The following POFUT2 variants were observed in gnomAD, a reference collection of about 807,000 sequenced individuals.
The protein encoded by POFUT2 is GDP-fucose protein O-fucosyltransferase 2.
A neutral mutation model predicts 55.0 loss-of-function variants in POFUT2; 30 were observed. That is an observed-to-expected ratio of 0.55 (90% confidence interval 0.41 to 0.74). The LOEUF is 0.74. Among genes scored for constraint, POFUT2 ranks in the 30% least tolerant of loss-of-function variants. The pLI, the probability that POFUT2 is intolerant of heterozygous loss-of-function variation, is 0.00. For synonymous variants in POFUT2, 267 were observed against 231.1 expected, an observed-to-expected ratio of 1.16 and a Z score of -1.41; for missense variants, 524 against 562.6, an observed-to-expected ratio of 0.93 and a Z score of 0.69.
Position 45,265,889 on chromosome 21 carries a change from G to A in POFUT2, c.1137-254C>T, listed in dbSNP as rs1201038807. 8 of 1,341,532 alleles carry A rather than the reference G, an allele frequency of 6.0e-6. No homozygotes were observed. The highest frequency in any genetic ancestry group is 3.2e-5 in the Admixed American group (1 of 31,458). 83.1% of individuals were successfully genotyped at this position (1,341,532 alleles called of 1,614,324 possible). ...CATCCACACCCCACAGTCAGCAGCC[G>A]CCACGCTCCTGTCCCACCGCATGTC... On this transcript the variant is annotated intron_variant, in intron 8 of 8. Coordinates refer to ENST00000349485, the MANE Select transcript of POFUT2 (RefSeq NM_133635.6). This position sits in a 1 kb window ranked among gnomAD's most constrained non-coding sequence, Gnocchi z 4.6.
In POFUT2 at chr21:45,267,121, A is replaced by G. The variant is rs2093162746; in HGVS notation, c.1136+469T>C. 5.0e-6 allele frequency: 6 copies of G among 1,201,930 alleles called. No individual in the cohort carries two copies. In the Admixed American group the frequency reaches 1.3e-4, roughly 25 times the overall value. The allele number at this position is 1,201,930 out of a possible 1,614,324, so 74.5% of individuals were successfully genotyped here. ...CACAAGAACGATCACACGAGGGCCC[A>G]TGCTCCCAGCCTTGGGGACGCTCAT... On this transcript the variant is annotated intron_variant, in intron 8 of 8. Coordinates refer to ENST00000349485, the MANE Select transcript of POFUT2 (RefSeq NM_133635.6). This position sits in a 1 kb window ranked among gnomAD's most constrained non-coding sequence, Gnocchi z 4.4.
At chr21:45,272,427 A>C (rs1268823639) in intron 6 of POFUT2, among the ~76,000 whole-genome samples, 1 of 152,208 alleles carries the variant, frequency 6.6e-6, no homozygotes, top group African/African-American at 2.4e-5. Flanking sequence ...CTAGACCTAA[A>C]AAATGAGATA....
In POFUT2 at chr21:45,265,938, C is replaced by T; in HGVS notation, c.1137-303G>A. The T allele has an allele frequency of 1.6e-6, 2 of 1,271,138 alleles. No individual in the cohort carries two copies. The highest frequency in any genetic ancestry group is 1.5e-5 in the South Asian group (1 of 65,140). 78.7% of individuals were successfully genotyped at this position (1,271,138 alleles called of 1,614,324 possible). On this transcript the variant is annotated intron_variant, in intron 8 of 8. Transcript: ENST00000349485. This position sits in a 1 kb window ranked among gnomAD's most constrained non-coding sequence, Gnocchi z 4.6. ...TCCCCCTGGGAGCCCTCCTCTCCGT[C>T]ACCAAATCCCAGGCCAGGCACGCCA...
rs745849039 is a variant in POFUT2, at chr21:45,277,906, G to C, written c.705+197C>G. 8.0e-6 allele frequency: 5 copies of C among 625,398 alleles called. No homozygotes were observed. Among genetic ancestry groups the C allele is most frequent in the Non-Finnish European group, 1.4e-5 (5 of 351,630 alleles). 38.7% of individuals were successfully genotyped at this position (625,398 alleles called of 1,614,324 possible). ...AGGGGAGAGCTGGGTGGCCCTGCGG[G>C]CTCCCGAGGACCTGGCTCTGCAGCC... On this transcript the variant is annotated intron_variant, in intron 5 of 8. Coordinates refer to ENST00000349485, the MANE Select transcript of POFUT2 (RefSeq NM_133635.6). This position sits in a 1 kb window ranked among gnomAD's most constrained non-coding sequence, Gnocchi z 6.9.
Position 45,287,854 on chromosome 21 carries a change from G to A in POFUT2, c.18C>T (p.Phe6=), listed in dbSNP as rs888986561. 3 of 1,413,138 alleles carry A rather than the reference G, an allele frequency of 2.1e-6. No individual in the cohort carries two copies. Among genetic ancestry groups the A allele is most frequent in the Non-Finnish European group, 2.8e-6 (3 of 1,074,930 alleles). The allele number at this position is 1,413,138 out of a possible 1,614,324, so 87.5% of individuals were successfully genotyped here. Residue 6 remains phenylalanine, a synonymous_variant, in exon 1 of 9, where the codon TTC becomes TTT. Transcript: ENST00000349485. MATLS[F]VFLLLGAVSW... ...ACACTGCCCCCAGCAGCAGGAAGAC[G>A]AAGCTGAGTGTCGCCATGGCCCCGG...
At chr21:45,266,982 G>A in intron 8 of POFUT2, 9 of 1,030,828 alleles carry the variant, frequency 8.7e-6, no homozygotes, top group Non-Finnish European at 1.0e-5. Flanking sequence ...AACCCCAGAG[G>A]AATGACTGCA....
At position 45,267,765 on chromosome 21, in the gene POFUT2, G is replaced by A; in HGVS notation, c.1013-52C>T. 1 of 1,512,966 alleles carries A rather than the reference G, an allele frequency of 6.6e-7. No homozygotes were observed. The highest frequency in any genetic ancestry group is 9.1e-7 in the Non-Finnish European group (1 of 1,093,974). The allele number at this position is 1,512,966 out of a possible 1,614,324, so 93.7% of individuals were successfully genotyped here. On this transcript the variant is annotated intron_variant, in intron 7 of 8. Coordinates refer to ENST00000349485, the MANE Select transcript of POFUT2 (RefSeq NM_133635.6). This position sits in a 1 kb window ranked among gnomAD's most constrained non-coding sequence, Gnocchi z 4.4. The stretch of plus-strand genomic sequence containing the variant: ...GAACCGGGATCCTCCAGTAAGGACA[G>A]ATACGTGACTCTTTAGCAGACAGAC...
At chr21:45,279,596 G>A (rs974015702) in intron 4 of POFUT2, among the ~76,000 whole-genome samples, 4 of 152,132 alleles carry the variant, frequency 2.6e-5, no homozygotes, top group Admixed American at 1.3e-4. Context: ...GGAAGCTCTC[G>A]GCCCTCGTGG....
At chr21:45,266,142 G>C (rs1048815777) in intron 8 of POFUT2, 45 of 1,365,374 alleles carry the variant, frequency 3.3e-5, no homozygotes, top group Non-Finnish European at 4.3e-5. Context: ...TTCTCCAGGG[G>C]TTTCTCCAGA....
chr21:45,279,319 C>T (rs1242205583), intron 4 of POFUT2, among the ~76,000 whole-genome samples: 1 of 152,092 alleles, frequency 6.6e-6, no homozygotes, highest in Non-Finnish European at 1.5e-5. Flanking sequence ...CGCTTGAACC[C>T]AGGAGACTGA....
Position 45,282,529 on chromosome 21 carries a change from G to T in POFUT2, c.528-70C>A. The T allele has an allele frequency of 1.1e-6, 1 of 881,750 alleles. No homozygotes were observed. Among genetic ancestry groups the T allele is most frequent in the Non-Finnish European group, 1.9e-6 (1 of 529,246 alleles). The allele number at this position is 881,750 out of a possible 1,614,324, so 54.6% of individuals were successfully genotyped here. A position where few individuals can be genotyped will look rare whatever the true frequency, so the allele number is the denominator to read the frequency against. On this transcript the variant is annotated intron_variant, in intron 3 of 8. Transcript: ENST00000349485. The surrounding 1 kb of genome is among the most constrained non-coding windows in gnomAD (Gnocchi z 4.6). ...TCACAAGGAAAACAAATCAAGTCTA[G>T]ACACGCACACACTGTGGCTTGCTCC...
Position 45,284,980 on chromosome 21 carries a change from A to G in POFUT2, c.382+698T>C, listed in dbSNP as rs1031294103. On this transcript the variant is annotated intron_variant, in intron 2 of 8. Transcript: ENST00000349485. The surrounding 1 kb of genome is among the most constrained non-coding windows in gnomAD (Gnocchi z 5.8). The stretch of plus-strand genomic sequence containing the variant: ...TGCAACGAGAACCACATCCTTGAAA[A>G]ATGATGACACGGGAGCCACACTCCT... 3.3e-5 allele frequency among the ~76,000 whole-genome samples: 5 copies of G among 152,262 alleles called. 1 individual carries two copies. Among genetic ancestry groups the G allele is most frequent in the Admixed American group, 3.3e-4 (5 of 15,300 alleles).
In POFUT2 at chr21:45,267,028, C is replaced by T. The variant is rs570571133; in HGVS notation, c.1136+562G>A. The T allele has an allele frequency of 2.5e-5, 27 of 1,066,930 alleles. No homozygotes were observed. In the African/African-American group the frequency reaches 2.8e-4, roughly 11 times the overall value. 66.1% of individuals were successfully genotyped at this position (1,066,930 alleles called of 1,614,324 possible). A position where few individuals can be genotyped will look rare whatever the true frequency, so the allele number is the denominator to read the frequency against. On this transcript the variant is annotated intron_variant, in intron 8 of 8. Coordinates refer to ENST00000349485, the MANE Select transcript of POFUT2 (RefSeq NM_133635.6). This position sits in a 1 kb window ranked among gnomAD's most constrained non-coding sequence, Gnocchi z 4.4. ...ACGCTCCCGGCCTCTGGGACGCTCACGGCAGCCCCACGAGAATGATCACAC... is the reference window on the plus strand; with the variant it reads ...ACGCTCCCGGCCTCTGGGACGCTCATGGCAGCCCCACGAGAATGATCACAC...
Position 45,265,448 on chromosome 21 carries a change from G to T in POFUT2, c.*34C>A. On this transcript the variant is annotated 3_prime_UTR_variant, in exon 9 of 9. Transcript: ENST00000349485. This position sits in a 1 kb window ranked among gnomAD's most constrained non-coding sequence, Gnocchi z 4.6. Reference sequence around the variant, plus strand: ...ACAGAACCTGCATCCACCCGCGCCTGTCGGGTCCGGGGAGCGGCCCTGGAG... The same window carrying T: ...ACAGAACCTGCATCCACCCGCGCCTTTCGGGTCCGGGGAGCGGCCCTGGAG... The T allele has an allele frequency of 6.3e-7, 1 of 1,575,612 alleles. No homozygotes were observed. The highest frequency in any genetic ancestry group is 8.6e-7 in the Non-Finnish European group (1 of 1,159,178).
At chr21:45,273,610 C>T (rs2093238046) in intron 6 of POFUT2, among the ~76,000 whole-genome samples, 1 of 152,098 alleles carries the variant, frequency 6.6e-6, no homozygotes, top group South Asian at 2.1e-4. Context: ...AAAAAGATAA[C>T]ACAACATGAT....
chr21:45,279,119 C>G (rs75647245), intron 4 of POFUT2, among the ~76,000 whole-genome samples: 6,514 of 152,334 alleles, frequency 0.043, 183 homozygotes, highest in South Asian at 0.087. Flanking sequence ...TGGCCAGGCG[C>G]AGTGGCTCAC....
Position 45,270,136 on chromosome 21 carries a change from G to A in POFUT2, c.832-117C>T, listed in dbSNP as rs528765660. 8 of 732,008 alleles carry A rather than the reference G, an allele frequency of 1.1e-5. No individual in the cohort carries two copies. Among genetic ancestry groups the A allele is most frequent in the South Asian group, 5.5e-5 (2 of 36,432 alleles). 45.3% of individuals were successfully genotyped at this position (732,008 alleles called of 1,614,324 possible). A position where few individuals can be genotyped will look rare whatever the true frequency, so the allele number is the denominator to read the frequency against. ...ACCCTTTCCATGTGGCCTCCTCCAC[G>A]GGGTGGCTCCAGGGCTGTCTAAGGG... On this transcript the variant is annotated intron_variant, in intron 6 of 8. Coordinates refer to ENST00000349485, the MANE Select transcript of POFUT2 (RefSeq NM_133635.6). The surrounding 1 kb of genome is among the most constrained non-coding windows in gnomAD (Gnocchi z 4.6).
At position 45,281,905 on chromosome 21, in the gene POFUT2, G is replaced by A. The variant is rs1010785814; in HGVS notation, c.638+444C>T. Among the ~76,000 whole-genome samples the A allele has an allele frequency of 1.3e-5, 2 of 152,270 alleles. No individual in the cohort carries two copies. Among genetic ancestry groups the A allele is most frequent in the South Asian group, 2.1e-4 (1 of 4,812 alleles). On this transcript the variant is annotated intron_variant, in intron 4 of 8. Coordinates refer to ENST00000349485, the MANE Select transcript of POFUT2 (RefSeq NM_133635.6). This position sits in a 1 kb window ranked among gnomAD's most constrained non-coding sequence, Gnocchi z 5.0. ...GCTCACCAGGCCGGCGACCACTTGA[G>A]GCAGACGCATGGCCAAAGGTGGCTG...
Position 45,287,883 on chromosome 21 carries a change from G to A in POFUT2, c.-12C>T, listed in dbSNP as rs774784587. ...CTGAGTGTCGCCATGGCCCCGGGCG[G>A]CCACGCACTTCCGGCGGCCGCGCCC... On this transcript the variant is annotated 5_prime_UTR_variant, in exon 1 of 9. Transcript: ENST00000349485. 1.5e-6 allele frequency: 2 copies of A among 1,319,894 alleles called. No individual in the cohort carries two copies. The highest frequency in any genetic ancestry group is 3.9e-5 in the South Asian group (2 of 51,222). The allele number at this position is 1,319,894 out of a possible 1,614,324, so 81.8% of individuals were successfully genotyped here.
Sources: allele counts gnomAD v4.1 joint callset (sites outside exome capture counted in the v4.1 genomes callset), GRCh38; gene constraint gnomAD v4.1.1; non-coding constraint Gnocchi (gnomAD v3.1); transcripts MANE v1.5; gene names NCBI Gene and HGNC (gene_info 2026-07-23, HGNC 2026-07-21).